The following NKAIN2 variants were observed in gnomAD, a reference collection of about 807,000 sequenced individuals.
NKAIN2 encodes the protein sodium/potassium transporting ATPase interacting 2.
A neutral mutation model predicts 32.6 loss-of-function variants in NKAIN2; 14 were observed. That is an observed-to-expected ratio of 0.43 (90% CI 0.28 to 0.67). The LOEUF (loss-of-function observed/expected upper bound fraction) is 0.67, where lower values mean the gene tolerates loss of function less well. Ranked by LOEUF, NKAIN2 falls within the 30% of genes least tolerant of loss-of-function variation. NKAIN2 has a pLI of 0.17. For missense variants in NKAIN2, 198 were observed against 258.3 expected (o/e 0.77, Z 1.60); for synonymous variants, 80 against 87.2 (o/e 0.92, Z 0.46).
chr6:124,674,743 T>A (rs1297455154), intron 4 of NKAIN2, among the ~76,000 whole-genome samples: 1 of 151,696 alleles, frequency 6.6e-6, no homozygotes, highest in African/African-American at 2.4e-5. Flanking sequence ...TCTAACAGGT[T>A]TTTTTGTGAG....
intron 1 of NKAIN2, among the ~76,000 whole-genome samples, chr6:124,100,920 A>C (rs536359238): frequency 2.8e-4 from 42 of 152,330 alleles, no homozygotes; most frequent in South Asian, 8.3e-4. Flanking sequence ...GGTGGGGACA[A>C]AATATATGAA....
At chr6:124,356,258 C>T (rs1371564121) in intron 3 of NKAIN2, among the ~76,000 whole-genome samples, 1 of 151,972 alleles carries the variant, frequency 6.6e-6, no homozygotes, top group African/African-American at 2.4e-5. Flanking sequence ...ACTACCTTTG[C>T]CTTGTCAAGC....
At chr6:124,651,162 T>G (rs1185888060) in intron 3 of NKAIN2, among the ~76,000 whole-genome samples, 2 of 152,144 alleles carry the variant, frequency 1.3e-5, no homozygotes, top group African/African-American at 4.8e-5. Context: ...TGTCCCATCT[T>G]TTTAGTACAC....
chr6:124,811,447 TAA>T (rs1780901306), intron 5 of NKAIN2, among the ~76,000 whole-genome samples: 1 of 152,160 alleles, frequency 6.6e-6, no homozygotes, highest in South Asian at 2.1e-4. Flanking sequence ...AAGGTTTAAA[TAA>T]AAGAGAGGCT....
At chr6:123,874,094 T>C (rs1004965547) in intron 1 of NKAIN2, among the ~76,000 whole-genome samples, 3 of 152,192 alleles carry the variant, frequency 2.0e-5, no homozygotes, top group Admixed American at 2.0e-4. Context: ...TCAGAGACCA[T>C]TACATCCCAG....
intron 1 of NKAIN2, among the ~76,000 whole-genome samples, chr6:124,178,532 T>G (rs1030142806): frequency 6.6e-6 from 1 of 151,846 alleles, no homozygotes; most frequent in African/African-American, 2.4e-5. Context: ...CTCCTGATCT[T>G]GTGATCCACC....
chr6:123,827,967 A>G (rs917799899), intron 1 of NKAIN2, among the ~76,000 whole-genome samples: 14 of 152,092 alleles, frequency 9.2e-5, no homozygotes, highest in African/African-American at 3.4e-4. Flanking sequence ...TAGAATCAGC[A>G]TACCTATTCA....
intron 1 of NKAIN2, among the ~76,000 whole-genome samples, chr6:123,928,637 T>C (rs1372670557): frequency 1.3e-5 from 2 of 152,184 alleles, no homozygotes; most frequent in Non-Finnish European, 2.9e-5. Flanking sequence ...TCTTTAAAGA[T>C]CTAAGAATAT....
chr6:123,834,871 G>A (rs939732143), intron 1 of NKAIN2, among the ~76,000 whole-genome samples: 10 of 152,116 alleles, frequency 6.6e-5, no homozygotes, highest in Non-Finnish European at 1.5e-4. Flanking sequence ...GACTACATGA[G>A]TTGGTATTTG....
intron 1 of NKAIN2, among the ~76,000 whole-genome samples, chr6:124,120,093 C>T (rs1453672334): frequency 6.6e-6 from 1 of 152,074 alleles, no homozygotes; most frequent in African/African-American, 2.4e-5. Flanking sequence ...TTCTGTGGGC[C>T]TCTCATTATC....
At chr6:123,995,807 G>A (rs191352520) in intron 1 of NKAIN2, among the ~76,000 whole-genome samples, 245 of 152,250 alleles carry the variant, frequency 1.6e-3, no homozygotes, top group Non-Finnish European at 2.7e-3. Context: ...AGTTCACTAT[G>A]AAAGAGAAGT....
chr6:123,812,837 T>G (rs996666726), intron 1 of NKAIN2, among the ~76,000 whole-genome samples: 1 of 152,212 alleles, frequency 6.6e-6, no homozygotes, highest in Non-Finnish European at 1.5e-5. Context: ...GTTGCATTCT[T>G]TGGAAACAAA....
intron 1 of NKAIN2, among the ~76,000 whole-genome samples, chr6:123,959,358 T>G (rs1021984270): frequency 3.3e-5 from 5 of 152,286 alleles, no homozygotes; most frequent in African/African-American, 1.2e-4. Flanking sequence ...GGTCCATGGC[T>G]TCCTGCATTG....
chr6:124,298,242 G>GT (rs561891834), intron 2 of NKAIN2, among the ~76,000 whole-genome samples: 49 of 151,846 alleles, frequency 3.2e-4, no homozygotes, highest in Non-Finnish European at 6.0e-4. Context: ...TTTTTTTAAT[G>GT]TTTTTTATGT....
At chr6:124,121,966 T>C (rs1468251748) in intron 1 of NKAIN2, 13 of 883,418 alleles carry the variant, frequency 1.5e-5, no homozygotes, top group Non-Finnish European at 2.1e-5. Flanking sequence ...GTAATATTTT[T>C]CCATTTGTGT....
chr6:124,045,443 G>T (rs1782073876), intron 1 of NKAIN2, among the ~76,000 whole-genome samples: 1 of 151,998 alleles, frequency 6.6e-6, no homozygotes, highest in Admixed American at 6.6e-5. Context: ...GAACTGGTCT[G>T]TTTTACACTT....
chr6:123,862,981 T>A (rs912839592), intron 1 of NKAIN2, among the ~76,000 whole-genome samples: 3 of 152,182 alleles, frequency 2.0e-5, no homozygotes, highest in Non-Finnish European at 4.4e-5. Context: ...GTAATTGTCT[T>A]ATTGAATAGC....
At chr6:123,914,693 C>T (rs114866254) in intron 1 of NKAIN2, among the ~76,000 whole-genome samples, 1 of 152,150 alleles carries the variant, frequency 6.6e-6, no homozygotes, top group Non-Finnish European at 1.5e-5. Context: ...CTGTCTCACT[C>T]AGGTCTCTCT....
At chr6:124,780,372 C>T (rs980311316) in intron 4 of NKAIN2, among the ~76,000 whole-genome samples, 4 of 152,174 alleles carry the variant, frequency 2.6e-5, no homozygotes, top group Admixed American at 6.5e-5. Flanking sequence ...TGAGGAATGC[C>T]TATCTGTGCT....
Sources: gnomAD v4.1 joint callset for allele counts (sites outside exome capture counted in the v4.1 genomes callset) on GRCh38, gnomAD v4.1.1 for gene constraint, MANE v1.5 for transcripts, NCBI Gene and HGNC (gene_info 2026-07-23, HGNC 2026-07-21) for gene names.